Variants in CCDC148 observed in about 807,000 individuals in gnomAD.
CCDC148 encodes coiled-coil domain-containing protein 148.
CCDC148 carries 89 observed loss-of-function variants against 85.7 expected under a neutral mutation model. The ratio of observed to expected loss-of-function variants is 1.04; its 90% CI spans 0.87 to 1.24. CCDC148 has a LOEUF of 1.24. Among genes scored for constraint, CCDC148 ranks in the 50% most tolerant of loss-of-function variants. The probability of loss-of-function intolerance (pLI) is 0.00; values close to 1 mark genes in which losing one functional copy is unlikely to be tolerated. For missense variants in CCDC148, 692 were observed against 671.7 expected (o/e 1.03, Z -0.33); for synonymous variants, 230 against 213.9 (o/e 1.08, Z -0.66).
intron 2 of CCDC148, among the ~76,000 whole-genome samples, chr2:158,347,988 G>T (rs1033959446): frequency 6.6e-6 from 1 of 152,012 alleles, no homozygotes; most frequent in Non-Finnish European, 1.5e-5. Context: ...ACACTGTGAG[G>T]CTACAGAAAG....
At chr2:158,208,962 A>AAC (rs1686404904) in intron 11 of CCDC148, among the ~76,000 whole-genome samples, 1 of 151,970 alleles carries the variant, frequency 6.6e-6, no homozygotes, top group African/African-American at 2.4e-5. Context: ...TTTTAAAAAA[A>AAC]CCCAGATTAT....
intron 7 of CCDC148, among the ~76,000 whole-genome samples, chr2:158,315,616 C>A (rs377174669): frequency 1.3e-5 from 2 of 152,180 alleles, no homozygotes; most frequent in African/African-American, 4.8e-5. Context: ...TTGTGATTCA[C>A]CTCTATAATG....
chr2:158,317,620 A>G (rs1422376594), intron 7 of CCDC148, among the ~76,000 whole-genome samples: 1 of 152,214 alleles, frequency 6.6e-6, no homozygotes, highest in African/African-American at 2.4e-5. Context: ...CTTAGCTACT[A>G]GTGGTCCTCA....
At chr2:158,220,074 G>A (rs933525158) in intron 11 of CCDC148, among the ~76,000 whole-genome samples, 1 of 152,162 alleles carries the variant, frequency 6.6e-6, no homozygotes, top group Non-Finnish European at 1.5e-5. Context: ...GTAAAATGAG[G>A]AGACTAGGCT....
chr2:158,350,860 A>T (rs947000852), intron 2 of CCDC148, among the ~76,000 whole-genome samples: 3 of 152,124 alleles, frequency 2.0e-5, no homozygotes, highest in African/African-American at 7.2e-5. Flanking sequence ...TTGCACGGCC[A>T]TCGTCGTGTG....
intron 1 of CCDC148, among the ~76,000 whole-genome samples, chr2:158,443,515 A>AGAAAAAAAGAAAAG (rs1553524475): frequency 9.9e-6 from 1 of 100,896 alleles, no homozygotes; most frequent in Non-Finnish European, 2.0e-5. Context: ...AAAAAAAAAA[A>AGAAAAAAAGAAAAG]AAAAAAAAGA....
At chr2:158,324,183 C>T (rs1005265919) in intron 7 of CCDC148, among the ~76,000 whole-genome samples, 14 of 151,988 alleles carry the variant, frequency 9.2e-5, no homozygotes, top group African/African-American at 3.4e-4. Context: ...TCCCACAGTG[C>T]TGAGATTACA....
At chr2:158,196,447 C>T (rs190178848) in intron 11 of CCDC148, among the ~76,000 whole-genome samples, 2 of 152,106 alleles carry the variant, frequency 1.3e-5, no homozygotes, top group South Asian at 2.1e-4. Context: ...TCTCCTCCCC[C>T]CAGCCAGTTG....
chr2:158,355,646 C>T (rs1683590386), intron 2 of CCDC148, among the ~76,000 whole-genome samples: 1 of 131,790 alleles, frequency 7.6e-6, no homozygotes, highest in African/African-American at 3.1e-5. Context: ...TGAAAATGGC[C>T]ATACTGCCCA....
Position 158,313,872 on chromosome 2 carries a change from C to A in CCDC148, c.787G>T (p.Asp263Tyr), listed in dbSNP as rs752091637. 5.0e-6 allele frequency: 8 copies of A among 1,612,400 alleles called. No individual in the cohort carries two copies. In the Admixed American group the frequency reaches 8.4e-5, roughly 17 times the overall value. ...IYRNCQLSEE[D>Y]HWIYQAILDQ... ...AAAATAGCCTGGTAAATCCAGTGGT[C>A]TTCTTCACTTAGTTGACAGTTTCTA... Residue 263 changes from aspartate (D) to tyrosine (Y), a missense_variant, in exon 8 of 14, where the codon GAC becomes TAC. By Grantham distance (160) the Asp-to-Tyr change is radical. Transcript: ENST00000283233.
chr2:158,295,119 T>A (rs1360512298), intron 9 of CCDC148, among the ~76,000 whole-genome samples: 2 of 152,136 alleles, frequency 1.3e-5, no homozygotes, highest in East Asian at 3.9e-4. Context: ...AACTAGAAAA[T>A]CTAGAAGAAA....
chr2:158,352,755 A>G (rs1683389653), intron 2 of CCDC148, among the ~76,000 whole-genome samples: 1 of 151,596 alleles, frequency 6.6e-6, no homozygotes, highest in Non-Finnish European at 1.5e-5. Context: ...GAGAAGAGCA[A>G]CTCCAAGACA....
chr2:158,172,281 T>G (rs1343854577), intron 13 of CCDC148, 22 bp from the exon 14 acceptor site: 1 of 1,545,674 alleles, frequency 6.5e-7, no homozygotes, highest in Non-Finnish European at 8.8e-7. Flanking sequence ...AAAATACAAT[T>G]TAAATAACAA....
At chr2:158,406,629 T>TTTTTTTGTTTTTTTTTTTG (rs1553518868) in intron 1 of CCDC148, among the ~76,000 whole-genome samples, 70 of 117,440 alleles carry the variant, frequency 6.0e-4, no homozygotes, top group South Asian at 1.1e-3. Context: ...TTTTTTTTTT[T>TTTTTTTGTTTTTTTTTTTG]TTTTTTTTTT....
Position 158,305,462 on chromosome 2 carries a change from G to A in CCDC148, c.1110+3971C>T, listed in dbSNP as rs559583968. Among the ~76,000 whole-genome samples the A allele has an allele frequency of 1.1e-4, 17 of 152,246 alleles. No individual in the cohort carries two copies. The South Asian group carries it at 1.2e-3, about 11-fold the overall frequency. On this transcript the variant is annotated intron_variant, in intron 9 of 13. Coordinates refer to ENST00000283233, the MANE Select transcript of CCDC148 (RefSeq NM_138803.4). Reference sequence around the variant, plus strand: ...AGTGCAGGGGAAGGAACAAGAGTGTGGCAAGCCAGGCACAGTGGCTCACCT... The same window carrying A: ...AGTGCAGGGGAAGGAACAAGAGTGTAGCAAGCCAGGCACAGTGGCTCACCT...
intron 9 of CCDC148, among the ~76,000 whole-genome samples, chr2:158,304,370 T>A (rs532684878): frequency 6.6e-6 from 1 of 152,158 alleles, no homozygotes; most frequent in Non-Finnish European, 1.5e-5. Flanking sequence ...GTTGCCTTGA[T>A]TGCTAGCTGG....
intron 7 of CCDC148, among the ~76,000 whole-genome samples, chr2:158,319,885 C>T (rs1692446646): frequency 6.6e-6 from 1 of 152,048 alleles, no homozygotes. Flanking sequence ...ATTTTTAAGA[C>T]CAGAAAAACC....
chr2:158,448,595 C>T lies in CCDC148; in HGVS notation c.25+7820G>A, dbSNP rs112626158. Among the ~76,000 whole-genome samples, 1,390 of 152,192 alleles carry T rather than the reference C, an allele frequency of 9.1e-3. 11 individuals carry two copies. Among genetic ancestry groups the T allele is most frequent in the Middle Eastern group, 0.065 (19 of 294 alleles). On this transcript the variant is annotated intron_variant, in intron 1 of 13. Transcript: ENST00000283233. Reference sequence around the variant, plus strand: ...CTGAGCTCAAGCAATCCACCCCGCTCGGCCTTCCAAAGTGCTGGGATCACA... The same window carrying T: ...CTGAGCTCAAGCAATCCACCCCGCTTGGCCTTCCAAAGTGCTGGGATCACA...
At chr2:158,427,088 T>C (rs1687111740) in intron 1 of CCDC148, among the ~76,000 whole-genome samples, 1 of 152,144 alleles carries the variant, frequency 6.6e-6, no homozygotes, top group African/African-American at 2.4e-5. Context: ...AAAGAAATAA[T>C]AATTTGACCT....
Sources: allele counts gnomAD v4.1 joint callset (sites outside exome capture counted in the v4.1 genomes callset), GRCh38; gene constraint gnomAD v4.1.1; transcripts MANE v1.5; gene names NCBI Gene and HGNC (gene_info 2026-07-23, HGNC 2026-07-21).